The following FTO variants were observed in gnomAD, a reference collection of about 807,000 sequenced individuals.
The protein encoded by FTO is alpha-ketoglutarate-dependent dioxygenase FTO.
Under a neutral mutation model 63.9 loss-of-function variants are expected in FTO, and 47 were observed. The observed-to-expected ratio is 0.74, with a 90% CI of 0.58 to 0.94. The LOEUF is 0.94. FTO is among the 40% of genes least tolerant of loss of function. The pLI is 0.00. For missense variants in FTO, 562 were observed against 618.1 expected, an observed-to-expected ratio of 0.91 and a Z score of 0.96; for synonymous variants, 207 against 224.4, an observed-to-expected ratio of 0.92 and a Z score of 0.69.
chr16:54,099,671 G>T (rs1361920086), intron 8 of FTO, among the ~76,000 whole-genome samples: 1 of 152,120 alleles, frequency 6.6e-6, no homozygotes. Flanking sequence ...ATGAACTGGG[G>T]GATAAAATTA....
At chr16:53,981,804 A>C (rs1299144976) in intron 8 of FTO, 3 of 152,694 alleles carry the variant, frequency 2.0e-5, no homozygotes, top group African/African-American at 7.2e-5. Flanking sequence ...CCAGCTCGTC[A>C]TGAGGCTGAG....
chr16:54,100,907 A>G (rs1229054937), intron 8 of FTO, among the ~76,000 whole-genome samples: 1 of 152,058 alleles, frequency 6.6e-6, no homozygotes, highest in African/African-American at 2.4e-5. Flanking sequence ...AGTAAAGGGG[A>G]AAAGGCAGGG....
At chr16:53,776,738 AG>A (rs1181474389) in intron 1 of FTO, among the ~76,000 whole-genome samples, 1 of 152,154 alleles carries the variant, frequency 6.6e-6, no homozygotes, top group African/African-American at 2.4e-5. Context: ...TTTACTGTCT[AG>A]CTTGATGCTT....
chr16:53,972,651 A>C (rs2083350635), intron 8 of FTO, among the ~76,000 whole-genome samples: 1 of 152,196 alleles, frequency 6.6e-6, no homozygotes, highest in Non-Finnish European at 1.5e-5. Context: ...TCAGCCACAG[A>C]CTCAAATGTT....
chr16:53,704,108 GA>G (rs1971792371), upstream of FTO: 7 of 1,383,576 alleles, frequency 5.1e-6, no homozygotes, highest in African/African-American at 7.2e-5. Flanking sequence ...GACGCTGAGA[GA>G]ACTACATGCA....
At chr16:53,824,553 T>C (rs888118720) in intron 2 of FTO, among the ~76,000 whole-genome samples, 2 of 152,124 alleles carry the variant, frequency 1.3e-5, no homozygotes, top group African/African-American at 4.8e-5. Flanking sequence ...GAAAGCTTTG[T>C]GAGAACAGGG....
rs913639581 is a variant in FTO at position 53,929,930 on chromosome 16, G to C, written c.1240-4055G>C. Among the ~76,000 whole-genome samples the C allele has an allele frequency of 7.2e-5, 11 of 152,310 alleles. No individual in the cohort carries two copies. In the Middle Eastern group the frequency reaches 0.01, roughly 141 times the overall value. On this transcript the variant is annotated intron_variant, in intron 7 of 8. Coordinates refer to ENST00000471389, the MANE Select transcript of FTO (RefSeq NM_001080432.3). ...CAGTAGGGAAGTGCACCCACAATGT[G>C]AGATGTGGACCACAGGTGATACAGG... is the stretch of plus-strand genomic sequence containing the variant.
At chr16:53,843,561 A>G (rs1483094964) in intron 3 of FTO, among the ~76,000 whole-genome samples, 1 of 152,012 alleles carries the variant, frequency 6.6e-6, no homozygotes, top group Non-Finnish European at 1.5e-5. Flanking sequence ...TATCTTACTG[A>G]TGTATAGTTG....
At chr16:53,997,591 G>T (rs1188072037) in intron 8 of FTO, among the ~76,000 whole-genome samples, 2 of 151,974 alleles carry the variant, frequency 1.3e-5, no homozygotes, top group African/African-American at 2.4e-5. Context: ...GGGAGTGGGG[G>T]GGTGGTGCAG....
chr16:53,944,803 C>G (rs1003607858), intron 8 of FTO, among the ~76,000 whole-genome samples: 3 of 152,176 alleles, frequency 2.0e-5, no homozygotes, highest in Non-Finnish European at 4.4e-5. Flanking sequence ...ATAAAAATGA[C>G]CTATCATGAT....
intron 8 of FTO, among the ~76,000 whole-genome samples, chr16:54,100,351 TTTTG>T (rs1242511182): frequency 3.9e-5 from 6 of 152,166 alleles, no homozygotes; most frequent in South Asian, 2.1e-4. Flanking sequence ...ATTGTGGGGT[TTTTG>T]TTTGTTTGTT....
intron 8 of FTO, among the ~76,000 whole-genome samples, chr16:53,986,041 CT>C (rs1277049442): frequency 6.6e-6 from 1 of 152,162 alleles, no homozygotes; most frequent in African/African-American, 2.4e-5. Context: ...GAAAAACTGG[CT>C]GGTCTAGTTT....
chr16:54,015,100 A>G (rs1283370821), intron 8 of FTO, among the ~76,000 whole-genome samples: 3 of 152,038 alleles, frequency 2.0e-5, no homozygotes, highest in African/African-American at 7.2e-5. Flanking sequence ...CCTGGCCTCA[A>G]AAGATCCTCC....
Position 54,118,975 on chromosome 16 carries a change from T to C in FTO, c.*7060T>C, listed in dbSNP as rs1197389079. The C allele has an allele frequency of 1.3e-5, 2 of 152,228 alleles. No individual in the cohort carries two copies. The highest frequency in any genetic ancestry group is 6.5e-5 in the Admixed American group (1 of 15,278). 9.4% of individuals were successfully genotyped at this position (152,228 alleles called of 1,614,324 possible). On this transcript the variant is annotated 3_prime_UTR_variant, in exon 9 of 9. Coordinates refer to ENST00000471389, the MANE Select transcript of FTO (RefSeq NM_001080432.3). ...AGAATTTCTACATACATTCATTACT[T>C]CTGATCAGGCAAGACCAGTCTGACA...
Position 53,972,805 on chromosome 16 carries a change from T to C in FTO, c.1364+38696T>C, listed in dbSNP as rs549459340. Among the ~76,000 whole-genome samples, 3 of 152,296 alleles carry C rather than the reference T, an allele frequency of 2.0e-5. No individual in the cohort carries two copies. The South Asian group carries it at 6.2e-4, about 32-fold the overall frequency. ...TTTTAGGAAGGAGAAATCTCACTCTTCAGTGTTTGTGGAGAGTGCAGGGAA... is the reference window on the plus strand; with the variant it reads ...TTTTAGGAAGGAGAAATCTCACTCTCCAGTGTTTGTGGAGAGTGCAGGGAA... On this transcript the variant is annotated intron_variant, in intron 8 of 8. Transcript: ENST00000471389.
chr16:53,839,228 T>G (rs1000381399), intron 3 of FTO, among the ~76,000 whole-genome samples: 1 of 152,166 alleles, frequency 6.6e-6, no homozygotes, highest in Admixed American at 6.5e-5. Context: ...GTTTGGTTAG[T>G]GGGAGCTGGG....
intron 1 of FTO, among the ~76,000 whole-genome samples, chr16:53,741,187 A>G (rs1224801552): frequency 6.6e-6 from 1 of 152,200 alleles, no homozygotes; most frequent in South Asian, 2.1e-4. Context: ...TGGCAGGTTT[A>G]GTAGTTAGTT....
chr16:54,035,212 G>A (rs1391310032), intron 8 of FTO, among the ~76,000 whole-genome samples: 1 of 152,224 alleles, frequency 6.6e-6, no homozygotes, highest in Non-Finnish European at 1.5e-5. Flanking sequence ...GTAATTTACA[G>A]GTATATAAAC....
chr16:53,884,923 A>G (rs569097066), intron 6 of FTO, among the ~76,000 whole-genome samples: 8 of 152,250 alleles, frequency 5.3e-5, no homozygotes, highest in Admixed American at 3.9e-4. Context: ...CACCCGTGGA[A>G]TGTTCCTTGG....
Sources: gnomAD v4.1 joint callset for allele counts (sites outside exome capture counted in the v4.1 genomes callset) on GRCh38, gnomAD v4.1.1 for gene constraint, MANE v1.5 for transcripts, NCBI Gene and HGNC (gene_info 2026-07-23, HGNC 2026-07-21) for gene names.